The following TEC variants were observed in gnomAD, a reference collection of about 807,000 sequenced individuals.
The protein encoded by TEC is tec protein tyrosine kinase.
In TEC, 72 loss-of-function variants were observed where a neutral mutation model predicts 93.0. The ratio of observed to expected loss-of-function variants is 0.77; its 90% CI spans 0.64 to 0.94. The LOEUF is 0.94. TEC is among the 40% of genes least tolerant of loss of function. The probability of loss-of-function intolerance (pLI) is 0.00; values close to 1 mark genes in which losing one functional copy is unlikely to be tolerated. For synonymous variants in TEC, 249 were observed against 247.7 expected, an observed-to-expected ratio of 1.01 and a Z score of -0.05; for missense variants, 630 against 757.9, an observed-to-expected ratio of 0.83 and a Z score of 1.98.
chr4:48,176,637 A>C (rs1415172703), intron 2 of TEC, among the ~76,000 whole-genome samples: 1 of 152,108 alleles, frequency 6.6e-6, no homozygotes, highest in Admixed American at 6.6e-5. Context: ...CATGAGAATC[A>C]CTTGAACACA....
chr4:48,138,148 T>G (rs1211519182), intron 17 of TEC, among the ~76,000 whole-genome samples: 1 of 152,192 alleles, frequency 6.6e-6, no homozygotes. Flanking sequence ...CACCTCAAAG[T>G]GTTGTTTTGA....
intron 2 of TEC, among the ~76,000 whole-genome samples, chr4:48,217,108 T>C (rs1290035820): frequency 7.1e-6 from 1 of 140,948 alleles, no homozygotes; most frequent in Non-Finnish European, 1.6e-5. Flanking sequence ...AACAAGTGAT[T>C]TTTTTTTTTT....
At chr4:48,269,192 T>C (rs1356023888) in intron 1 of TEC, among the ~76,000 whole-genome samples, 1 of 150,632 alleles carries the variant, frequency 6.6e-6, no homozygotes, top group Admixed American at 6.6e-5. Context: ...TACTGCCAAA[T>C]TTTTTTTTTA....
chr4:48,148,708 G>A (rs1720022081), intron 11 of TEC, among the ~76,000 whole-genome samples: 1 of 152,172 alleles, frequency 6.6e-6, no homozygotes, highest in Non-Finnish European at 1.5e-5. Context: ...GGTTACAAGT[G>A]CAAATTGTTA....
intron 1 of TEC, among the ~76,000 whole-genome samples, chr4:48,265,465 A>ATATATATG (rs33931160): frequency 3.0e-4 from 1 of 3,370 alleles, no homozygotes; most frequent in Non-Finnish European, 9.3e-3. Context: ...ACATATATAC[A>ATATATATG]CACACATATA....
intron 2 of TEC, among the ~76,000 whole-genome samples, chr4:48,211,071 C>T (rs1722883937): frequency 6.6e-6 from 1 of 152,158 alleles, no homozygotes. Flanking sequence ...AGGTGAGACA[C>T]AGAGAGATTA....
At chr4:48,163,911 A>G in intron 7 of TEC, 144 bp from the exon 8 acceptor site, 1 of 495,036 alleles carries the variant, frequency 2.0e-6, no homozygotes, top group Non-Finnish European at 3.5e-6. Context: ...AAAATGCAGT[A>G]TCTGTAATTC....
At chr4:48,232,620 A>T (rs1387202642) in intron 1 of TEC, among the ~76,000 whole-genome samples, 1 of 152,220 alleles carries the variant, frequency 6.6e-6, no homozygotes, top group Admixed American at 6.5e-5. Context: ...ATGAAGGAAA[A>T]GTCTCCTCAT....
At chr4:48,170,782 G>T (rs566661256) in intron 4 of TEC, among the ~76,000 whole-genome samples, 5 of 152,188 alleles carry the variant, frequency 3.3e-5, no homozygotes, top group Admixed American at 3.3e-4. Flanking sequence ...CGGGTGCAGC[G>T]GCTCATGTCT....
chr4:48,170,483 C>T, intron 4 of TEC, 107 bp from the exon 5 acceptor site: 1 of 772,790 alleles, frequency 1.3e-6, no homozygotes, highest in Non-Finnish European at 2.0e-6. Context: ...ACTATGTTTA[C>T]TATAAGAACG....
chr4:48,149,144 C>T (rs907124174), intron 11 of TEC, among the ~76,000 whole-genome samples: 46 of 152,228 alleles, frequency 3.0e-4, no homozygotes, highest in African/African-American at 7.9e-4. Flanking sequence ...CCCACATGCA[C>T]GTGTCTTTAT....
At chr4:48,188,836 GGAAA>G (rs1273035374) in intron 2 of TEC, among the ~76,000 whole-genome samples, 2 of 152,166 alleles carry the variant, frequency 1.3e-5, no homozygotes, top group Non-Finnish European at 2.9e-5. Flanking sequence ...GATGCTTGAT[GGAAA>G]GTACACAGCA....
chr4:48,196,718 C>T (rs1446620292), intron 2 of TEC, among the ~76,000 whole-genome samples: 6 of 151,290 alleles, frequency 4.0e-5, no homozygotes, highest in African/African-American at 1.5e-4. Context: ...CAGGTCATGA[C>T]AAATATCGGT....
chr4:48,206,520 A>T (rs1722721178), intron 2 of TEC, among the ~76,000 whole-genome samples: 1 of 152,200 alleles, frequency 6.6e-6, no homozygotes, highest in Non-Finnish European at 1.5e-5. Flanking sequence ...GATAGAGACT[A>T]AATGTCAATG....
chr4:48,158,500 A>G (rs923890650), intron 8 of TEC, among the ~76,000 whole-genome samples: 6 of 152,230 alleles, frequency 3.9e-5, no homozygotes, highest in East Asian at 1.9e-4. Flanking sequence ...TTCCACTGAT[A>G]TAAGAAACAT....
chr4:48,249,970 C>T (rs1276969139), intron 1 of TEC, among the ~76,000 whole-genome samples: 1 of 152,202 alleles, frequency 6.6e-6, no homozygotes, highest in East Asian at 1.9e-4. Flanking sequence ...TCAGTAGATC[C>T]CAGCCAAGGC....
At chr4:48,236,388 T>G (rs1219323365) in intron 1 of TEC, among the ~76,000 whole-genome samples, 1 of 151,848 alleles carries the variant, frequency 6.6e-6, no homozygotes, top group Non-Finnish European at 1.5e-5. Context: ...TTCACGCCAT[T>G]CTCCTGCCTC....
intron 2 of TEC, among the ~76,000 whole-genome samples, chr4:48,226,710 C>T (rs746763755): frequency 1.3e-5 from 2 of 151,858 alleles, no homozygotes; most frequent in Non-Finnish European, 2.9e-5. Context: ...GTTAAGTTTG[C>T]GGGGGGAGTC....
intron 1 of TEC, among the ~76,000 whole-genome samples, chr4:48,230,238 A>G (rs1401377927): frequency 6.6e-6 from 1 of 152,066 alleles, no homozygotes; most frequent in East Asian, 1.9e-4. Context: ...ACCCAATCCA[A>G]CACCTCCAAT....
Sources: allele counts gnomAD v4.1 joint callset (sites outside exome capture counted in the v4.1 genomes callset), GRCh38; gene constraint gnomAD v4.1.1; transcripts MANE v1.5; gene names NCBI Gene and HGNC (gene_info 2026-07-23, HGNC 2026-07-21).